The following TXLNA variants were observed in gnomAD, a reference collection of about 807,000 sequenced individuals.
TXLNA encodes the protein alpha-taxilin.
In TXLNA, 9 loss-of-function variants were observed where a neutral mutation model predicts 61.4. The observed-to-expected ratio is 0.15, with a 90% confidence interval of 0.09 to 0.26. The LOEUF is 0.26. Ranked by LOEUF, TXLNA falls within the 10% of genes least tolerant of loss-of-function variation. TXLNA has a pLI of 1.00. For missense variants in TXLNA, 565 were observed against 688.8 expected (o/e 0.82, Z 2.01); for synonymous variants, 257 against 267.7 (o/e 0.96, Z 0.39).
Position 32,193,361 on chromosome 1 carries a change from T to G in TXLNA, c.1251+61T>G. On this transcript the variant is annotated intron_variant, in intron 9 of 10. Coordinates refer to ENST00000373610, the MANE Select transcript of TXLNA (RefSeq NM_175852.4). ...CATAAGCTGCTTCATTCAAAATTGTTGGGCCTGCCTTCAGGAAGCTCCCAT... is the reference window on the plus strand; with the variant it reads ...CATAAGCTGCTTCATTCAAAATTGTGGGGCCTGCCTTCAGGAAGCTCCCAT... 3.0e-6 allele frequency: 4 copies of G among 1,334,158 alleles called. No individual in the cohort carries two copies. In the South Asian group the frequency reaches 4.7e-5, roughly 16 times the overall value. The allele number at this position is 1,334,158 out of a possible 1,614,324, so 82.6% of individuals were successfully genotyped here. A position where few individuals can be genotyped will look rare whatever the true frequency, so the allele number is the denominator to read the frequency against.
At position 32,192,184 on chromosome 1, in the gene TXLNA, C is replaced by T; in HGVS notation, c.964-127C>T. 7.2e-7 allele frequency: 1 copy of T among 1,381,370 alleles called. No individual in the cohort carries two copies. The highest frequency in any genetic ancestry group is 1.4e-5 in the African/African-American group (1 of 69,498). The allele number at this position is 1,381,370 out of a possible 1,614,324, so 85.6% of individuals were successfully genotyped here. ...GACTTGGGGCCCATGTTGTGTGGTACACATGGGAGTCCATCATATCAGATT... is the reference window on the plus strand; with the variant it reads ...GACTTGGGGCCCATGTTGTGTGGTATACATGGGAGTCCATCATATCAGATT... On this transcript the variant is annotated intron_variant, in intron 6 of 10. Coordinates refer to ENST00000373610, the MANE Select transcript of TXLNA (RefSeq NM_175852.4). The surrounding 1 kb of genome is among the most constrained non-coding windows in gnomAD (Gnocchi z 4.2).
intron 3 of TXLNA, among the ~76,000 whole-genome samples, chr1:32,183,872 G>A (rs1368730058): frequency 1.3e-5 from 2 of 151,994 alleles, no homozygotes. Context: ...GAGTAACTGG[G>A]ACTACAGGCG....
At chr1:32,186,173 G>A (rs1359892055) in intron 4 of TXLNA, among the ~76,000 whole-genome samples, 2 of 152,180 alleles carry the variant, frequency 1.3e-5, no homozygotes, top group African/African-American at 4.8e-5. Flanking sequence ...TCCAGCCAGG[G>A]GAAAATTGCT....
chr1:32,193,602 A>G (rs547561378), intron 9 of TXLNA, among the ~76,000 whole-genome samples: 2 of 152,158 alleles, frequency 1.3e-5, no homozygotes, highest in East Asian at 3.9e-4. Flanking sequence ...GTGCAGTGGC[A>G]TGATCTCAGC....
At chr1:32,191,070 G>C (rs1642894807) in intron 6 of TXLNA, among the ~76,000 whole-genome samples, 1 of 150,616 alleles carries the variant, frequency 6.6e-6, no homozygotes, top group South Asian at 2.1e-4. Flanking sequence ...CTCTAGCCTG[G>C]GTGATATACC....
In TXLNA at chr1:32,195,730, G is replaced by A; in HGVS notation, c.*535G>A. 2.2e-6 allele frequency: 1 copy of A among 456,414 alleles called. No homozygotes were observed. Among genetic ancestry groups the A allele is most frequent in the Non-Finnish European group, 4.4e-6 (1 of 227,070 alleles). The allele number at this position is 456,414 out of a possible 1,614,324, so 28.3% of individuals were successfully genotyped here. A position where few individuals can be genotyped will look rare whatever the true frequency, so the allele number is the denominator to read the frequency against. ...GTGTCCCTAGGCAGAGCCCTGGCAG[G>A]GCGCTCAGAGCTGGGGATTTCCTGC... On this transcript the variant is annotated 3_prime_UTR_variant, in exon 11 of 11. Transcript: ENST00000373610.
At chr1:32,183,169 G>C (rs964488983) in intron 3 of TXLNA, among the ~76,000 whole-genome samples, 6 of 151,520 alleles carry the variant, frequency 4.0e-5, no homozygotes, top group African/African-American at 1.5e-4. Flanking sequence ...TGTCACCCAA[G>C]CTGGAGTGCA....
chr1:32,191,093 CAAAAAAA>C (rs1159645218), intron 6 of TXLNA, among the ~76,000 whole-genome samples: 1 of 58,672 alleles, frequency 1.7e-5, no homozygotes, highest in African/African-American at 6.5e-5. Context: ...GACTCCATCT[CAAAAAAA>C]AAAAAAAAAA....
chr1:32,180,401 G>T lies in TXLNA; in HGVS notation c.56G>T (p.Ser19Ile), dbSNP rs1160147520. The change falls in exon 2 of 11, where the codon AGC becomes ATC. Residue 19 changes from serine (S) to isoleucine (I), a missense_variant. This residue lies in a region of TXLNA where 192 missense variants were observed against 184.8 expected (regional missense o/e 1.04). Transcript: ENST00000373610. ...GAAKQSNPKS[S>I]PGQPEAGPEG... Reference sequence around the variant, plus strand: ...GCCAAACAATCCAATCCAAAAAGCAGCCCAGGACAACCGGAAGCAGGACCC... The same window carrying T: ...GCCAAACAATCCAATCCAAAAAGCATCCCAGGACAACCGGAAGCAGGACCC... 8.1e-6 allele frequency: 13 copies of T among 1,613,946 alleles called. No individual in the cohort carries two copies. The highest frequency in any genetic ancestry group is 1.3e-5 in the African/African-American group (1 of 74,950).
At chr1:32,183,959 G>T (rs545364035) in intron 3 of TXLNA, among the ~76,000 whole-genome samples, 77 of 151,548 alleles carry the variant, frequency 5.1e-4, no homozygotes, top group African/African-American at 1.7e-3. Context: ...GGATGGTCTC[G>T]ATCTCTTGAC....
rs1642944755 is a variant in TXLNA, at chr1:32,193,225, G to A, written c.1176G>A (p.Glu392=). Residue 392 remains glutamate, a synonymous_variant, in exon 9 of 11, where the codon GAG becomes GAA. Coordinates refer to ENST00000373610, the MANE Select transcript of TXLNA (RefSeq NM_175852.4). ...HLKQQLALYT[E]KFEEFQNTLS... ...CCCCACAGCTTGCCCTATACACAGA[G>A]AAGTTTGAGGAGTTCCAGAACACAC... 2 of 1,613,814 alleles carry A rather than the reference G, an allele frequency of 1.2e-6. No individual in the cohort carries two copies. Among genetic ancestry groups the A allele is most frequent in the Non-Finnish European group, 1.7e-6 (2 of 1,179,902 alleles).
At chr1:32,180,542 G>A in intron 2 of TXLNA, 28 bp downstream of exon 2, 1 of 1,567,682 alleles carries the variant, frequency 6.4e-7, no homozygotes, top group Non-Finnish European at 8.6e-7. Flanking sequence ...GTTGCCAGCG[G>A]GCAGGGGGAG....
chr1:32,194,848 G>A (rs1304353825), intron 10 of TXLNA, 54 bp from the exon 11 acceptor site: 3 of 1,540,486 alleles, frequency 1.9e-6, no homozygotes, highest in African/African-American at 2.8e-5. Context: ...AAGTGGTGAT[G>A]GTAAGTGGGA....
chr1:32,189,502 G>A (rs1248714521), intron 5 of TXLNA, among the ~76,000 whole-genome samples: 2 of 151,732 alleles, frequency 1.3e-5, no homozygotes, highest in African/African-American at 2.4e-5. Context: ...ATGGCACTTA[G>A]CACTTACATG....
Position 32,194,803 on chromosome 1 carries a change from G to A in TXLNA, c.1348-99G>A, listed in dbSNP as rs187243481. 267 of 1,414,466 alleles carry A rather than the reference G, an allele frequency of 1.9e-4. 1 individual carries two copies. Among genetic ancestry groups the A allele is most frequent in the South Asian group, 6.5e-4 (47 of 72,366 alleles). 87.6% of individuals were successfully genotyped at this position (1,414,466 alleles called of 1,614,324 possible). A position where few individuals can be genotyped will look rare whatever the true frequency, so the allele number is the denominator to read the frequency against. ...CCTAGAGGGGGCCAGCTTTGGACTC[G>A]GTCTGCTCTCAGCCTTGTTAAAGTG... On this transcript the variant is annotated intron_variant, in intron 10 of 10. Transcript: ENST00000373610.
At chr1:32,180,090 A>C (rs1369735124) in intron 1 of TXLNA, 10 of 379,284 alleles carry the variant, frequency 2.6e-5, no homozygotes, top group East Asian at 1.5e-4. Context: ...TCCAGGGAGA[A>C]GAGGCCTCTT....
chr1:32,181,052 T>C (rs921390432), intron 2 of TXLNA, among the ~76,000 whole-genome samples, 190 bp from the exon 3 acceptor site: 3 of 152,236 alleles, frequency 2.0e-5, no homozygotes, highest in African/African-American at 7.2e-5. Context: ...TTAAAAGATG[T>C]TTCGAATCTA....
chr1:32,195,474 A>C lies in TXLNA; in HGVS notation c.*279A>C. ...TCAGTGGCTTGTCTGTGAGCTGAAG[A>C]GTCTTGAGAGGGGCTGTCATCTGTA... On this transcript the variant is annotated 3_prime_UTR_variant, in exon 11 of 11. Transcript: ENST00000373610. 1.8e-6 allele frequency: 1 copy of C among 548,674 alleles called. No homozygotes were observed. Among genetic ancestry groups the C allele is most frequent in the Non-Finnish European group, 3.3e-6 (1 of 305,670 alleles). 34.0% of individuals were successfully genotyped at this position (548,674 alleles called of 1,614,324 possible).
intron 2 of TXLNA, among the ~76,000 whole-genome samples, chr1:32,181,040 A>C (rs1241527554): frequency 6.6e-6 from 1 of 152,232 alleles, no homozygotes; most frequent in Non-Finnish European, 1.5e-5. Context: ...TAATTTCTTG[A>C]TTTAAAAGAT....
Sources: allele counts gnomAD v4.1 joint callset (sites outside exome capture counted in the v4.1 genomes callset), GRCh38; gene constraint gnomAD v4.1.1; regional missense constraint gnomAD v4.1.1; non-coding constraint Gnocchi (gnomAD v3.1); transcripts MANE v1.5; gene names NCBI Gene and HGNC (gene_info 2026-07-23, HGNC 2026-07-21).